LPP: variants seen among roughly 807,000 people sequenced by gnomAD.
The protein encoded by LPP is LIM domain containing preferred translocation partner in lipoma.
In LPP, 38 loss-of-function variants were observed where a neutral mutation model predicts 60.4. The ratio of observed to expected loss-of-function variants is 0.63; its 90% confidence interval spans 0.49 to 0.83. The LOEUF is 0.83. Ranked by LOEUF, LPP falls within the 40% of genes least tolerant of loss-of-function variation. The probability of loss-of-function intolerance (pLI) is 0.00; values close to 1 mark genes in which losing one functional copy is unlikely to be tolerated. For missense variants in LPP, 902 were observed against 783.6 expected, an observed-to-expected ratio of 1.15 and a Z score of -1.80; for synonymous variants, 328 against 290.8, an observed-to-expected ratio of 1.13 and a Z score of -1.30.
intron 4 of LPP, among the ~76,000 whole-genome samples, chr3:188,428,902 A>G (rs1239873768): frequency 1.3e-5 from 2 of 152,180 alleles, no homozygotes; most frequent in African/African-American, 4.8e-5. Context: ...TCAAAAAAAC[A>G]AAAACAAAAC....
intron 7 of LPP, among the ~76,000 whole-genome samples, chr3:188,634,350 C>A (rs578206873): frequency 6.6e-6 from 1 of 152,296 alleles, no homozygotes; most frequent in Non-Finnish European, 1.5e-5. Flanking sequence ...AAGACACAAT[C>A]CCTTGCCCTC....
intron 2 of LPP, among the ~76,000 whole-genome samples, chr3:188,331,933 T>G (rs1760196863): frequency 6.6e-6 from 1 of 152,326 alleles, no homozygotes; most frequent in South Asian, 2.1e-4. Context: ...AGATATAAAA[T>G]GCTTAGCTTA....
intron 4 of LPP, among the ~76,000 whole-genome samples, chr3:188,479,237 A>C (rs1804080294): frequency 2.0e-5 from 3 of 152,172 alleles, no homozygotes; most frequent in South Asian, 4.1e-4. Context: ...TGCTTACCTT[A>C]ATAGTTAGAT....
At chr3:188,742,166 G>A (rs772383008) in intron 8 of LPP, among the ~76,000 whole-genome samples, 35 of 152,110 alleles carry the variant, frequency 2.3e-4, no homozygotes, top group Non-Finnish European at 4.7e-4. Flanking sequence ...AAAAGACAGA[G>A]CAATTGAAAT....
chr3:188,657,875 C>T (rs1389719151), intron 7 of LPP, among the ~76,000 whole-genome samples: 2 of 152,132 alleles, frequency 1.3e-5, no homozygotes, highest in African/African-American at 4.8e-5. Flanking sequence ...ACTCTTACAG[C>T]GTTGGTCCTC....
intron 4 of LPP, among the ~76,000 whole-genome samples, chr3:188,466,834 T>TATAG (rs751884604): frequency 0.055 from 6,954 of 126,112 alleles, 368 homozygotes; most frequent in South Asian, 0.07. Context: ...TATATATATA[T>TATAG]ATATATATGC....
intron 4 of LPP, among the ~76,000 whole-genome samples, chr3:188,446,537 T>G (rs1795269924): frequency 6.6e-6 from 1 of 152,228 alleles, no homozygotes; most frequent in Admixed American, 6.5e-5. Flanking sequence ...GTTTTTATTT[T>G]TCTTTGTTTT....
chr3:188,246,598 A>G (rs1334165155), intron 2 of LPP, among the ~76,000 whole-genome samples: 2 of 152,178 alleles, frequency 1.3e-5, no homozygotes, highest in Admixed American at 1.3e-4. Context: ...TACATTTTCT[A>G]TTCAGCAACA....
At chr3:188,163,126 T>G (rs2148715479) in intron 1 of LPP, among the ~76,000 whole-genome samples, 1 of 152,314 alleles carries the variant, frequency 6.6e-6, no homozygotes, top group South Asian at 2.1e-4. Context: ...TGGGTTTTGT[T>G]TGCACTGTTT....
intron 9 of LPP, among the ~76,000 whole-genome samples, chr3:188,786,216 C>G (rs1741808461): frequency 6.6e-6 from 1 of 151,442 alleles, no homozygotes; most frequent in African/African-American, 2.4e-5. Flanking sequence ...CCTGTCTCTA[C>G]TAAAAATACA....
chr3:188,648,788 T>A (rs1447266682), intron 7 of LPP, among the ~76,000 whole-genome samples: 1 of 152,236 alleles, frequency 6.6e-6, no homozygotes, highest in African/African-American at 2.4e-5. Context: ...GAGATGGATC[T>A]GGCACTGGAG....
chr3:188,160,277 C>T (rs1316625485), intron 1 of LPP, among the ~76,000 whole-genome samples: 1 of 152,026 alleles, frequency 6.6e-6, no homozygotes, highest in Non-Finnish European at 1.5e-5. Context: ...TCACTGCAAC[C>T]TCCGCCTCCC....
rs567195591 is a variant in LPP, at chr3:188,468,925, C to T, written c.194-15667C>T. On this transcript the variant is annotated intron_variant, in intron 4 of 11. Transcript: ENST00000617246. ...AGCTAAATTATGTCTTTGGGCTGGC[C>T]GACCTGGTCTGCTAAAATAACAAGG... Among the ~76,000 whole-genome samples the T allele has an allele frequency of 1.0e-3, 154 of 152,194 alleles. 1 individual carries two copies. The highest frequency in any genetic ancestry group is 3.6e-3 in the African/African-American group (149 of 41,532).
intron 4 of LPP, among the ~76,000 whole-genome samples, chr3:188,479,963 G>A (rs530926776): frequency 4.6e-5 from 7 of 152,212 alleles, no homozygotes; most frequent in Admixed American, 2.6e-4. Context: ...TCTGATGGGG[G>A]CCTTTGTTTC....
rs576932889 is a variant in LPP at position 188,734,559 on chromosome 3, A to G, written c.1241-25554A>G. 1.0e-3 allele frequency among the ~76,000 whole-genome samples: 159 copies of G among 152,370 alleles called. 1 individual carries two copies. The Middle Eastern group carries it at 0.017, about 16-fold the overall frequency. On this transcript the variant is annotated intron_variant, in intron 8 of 11. Transcript: ENST00000617246. ...TCCAATTCCTCAGGGAGCAACAAAG[A>G]GTTGTCTCATTGCCACCTGCTATTA...
intron 2 of LPP, among the ~76,000 whole-genome samples, chr3:188,313,434 G>A (rs1463422434): frequency 6.6e-6 from 1 of 152,100 alleles, no homozygotes; most frequent in African/African-American, 2.4e-5. Flanking sequence ...GAGGTCAGAA[G>A]TTCAAGACCA....
At chr3:188,234,677 G>C (rs1228115885) in intron 2 of LPP, among the ~76,000 whole-genome samples, 1 of 152,154 alleles carries the variant, frequency 6.6e-6, no homozygotes, top group African/African-American at 2.4e-5. Flanking sequence ...GAGATGAAAA[G>C]CTAGAATAAG....
chr3:188,819,810 G>C (rs1313392254), intron 9 of LPP, among the ~76,000 whole-genome samples: 1 of 152,182 alleles, frequency 6.6e-6, no homozygotes, highest in African/African-American at 2.4e-5. Context: ...TGGTTTATGA[G>C]GGGGTCTTTG....
chr3:188,578,833 C>T (rs1191570920), intron 6 of LPP, among the ~76,000 whole-genome samples: 1 of 152,038 alleles, frequency 6.6e-6, no homozygotes, highest in Non-Finnish European at 1.5e-5. Context: ...CAGGATTCAG[C>T]CTTGGAAGTA....
Sources: allele counts gnomAD v4.1 joint callset (sites outside exome capture counted in the v4.1 genomes callset), GRCh38; gene constraint gnomAD v4.1.1; transcripts MANE v1.5; gene names NCBI Gene and HGNC (gene_info 2026-07-23, HGNC 2026-07-21).